The following ZNF407 variants were observed in gnomAD, a reference collection of about 807,000 sequenced individuals.
ZNF407 encodes the protein zinc finger protein 407.
Under a neutral mutation model 131.2 loss-of-function variants are expected in ZNF407, and 17 were observed. The observed-to-expected ratio is 0.13, with a 90% CI of 0.09 to 0.19. The LOEUF is 0.19. ZNF407 is among the 10% of genes least tolerant of loss of function. The pLI, the probability that ZNF407 is intolerant of heterozygous loss-of-function variation, is 1.00. For synonymous variants in ZNF407, 1,156 were observed against 1,062.0 expected (o/e 1.09, Z -1.72); for missense variants, 2,681 against 2,830.6 (o/e 0.95, Z 1.20).
chr18:75,011,671 A>G (rs184385874), intron 8 of ZNF407, among the ~76,000 whole-genome samples: 1 of 152,252 alleles, frequency 6.6e-6, no homozygotes, highest in African/African-American at 2.4e-5. Context: ...TATTGGATTT[A>G]TTTTGGTCTC....
intron 8 of ZNF407, among the ~76,000 whole-genome samples, chr18:75,030,143 A>G (rs1385185979): frequency 2.0e-5 from 3 of 152,200 alleles, no homozygotes; most frequent in Non-Finnish European, 4.4e-5. Context: ...GTATTAAAAG[A>G]AAAAACATGA....
intron 4 of ZNF407, among the ~76,000 whole-genome samples, chr18:74,831,582 G>C (rs1028029737): frequency 6.6e-6 from 1 of 152,174 alleles, no homozygotes; most frequent in Admixed American, 6.5e-5. Flanking sequence ...TTGTTGTAGA[G>C]AGTGGTAGTC....
intron 3 of ZNF407, among the ~76,000 whole-genome samples, chr18:74,649,899 G>A (rs1208394552): frequency 6.6e-6 from 1 of 152,102 alleles, no homozygotes; most frequent in African/African-American, 2.4e-5. Flanking sequence ...GCCAAACGTG[G>A]GAACTCTAGT....
chr18:74,892,518 A>G (rs1971399382), intron 7 of ZNF407, among the ~76,000 whole-genome samples: 1 of 152,184 alleles, frequency 6.6e-6, no homozygotes. Context: ...TCAGGGTTTC[A>G]GGTTTCCCCT....
At chr18:74,875,099 T>C (rs896806823) in intron 4 of ZNF407, among the ~76,000 whole-genome samples, 2 of 152,206 alleles carry the variant, frequency 1.3e-5, no homozygotes, top group African/African-American at 4.8e-5. Context: ...TTTTAGAATA[T>C]TTGAGACTCA....
At chr18:74,669,934 C>T (rs1195971159) in intron 3 of ZNF407, among the ~76,000 whole-genome samples, 1 of 152,184 alleles carries the variant, frequency 6.6e-6, no homozygotes, top group African/African-American at 2.4e-5. Flanking sequence ...CCGTAGACTC[C>T]CTGTCCTTTT....
chr18:74,692,333 C>T (rs1213760115), intron 3 of ZNF407, among the ~76,000 whole-genome samples: 5 of 152,032 alleles, frequency 3.3e-5, no homozygotes, highest in African/African-American at 1.2e-4. Flanking sequence ...TTCATCAGTG[C>T]AGGAGCTGGT....
intron 8 of ZNF407, among the ~76,000 whole-genome samples, chr18:75,037,423 TG>T (rs1973321615): frequency 6.6e-6 from 1 of 151,742 alleles, no homozygotes; most frequent in South Asian, 2.1e-4. Flanking sequence ...GGGGGAAAGA[TG>T]AAGAAAAAAA....
At chr18:74,765,468 G>A (rs1415997402) in intron 3 of ZNF407, among the ~76,000 whole-genome samples, 1 of 152,134 alleles carries the variant, frequency 6.6e-6, no homozygotes, top group African/African-American at 2.4e-5. Context: ...TTGCTTTTAA[G>A]CAGGATCAGA....
intron 8 of ZNF407, among the ~76,000 whole-genome samples, chr18:75,001,885 C>G (rs1972849297): frequency 6.6e-6 from 1 of 152,166 alleles, no homozygotes; most frequent in African/African-American, 2.4e-5. Flanking sequence ...TTTGGGTTGT[C>G]CCACCTTGGG....
At chr18:74,706,333 ATGT>A (rs1402852692) in intron 3 of ZNF407, among the ~76,000 whole-genome samples, 4 of 152,186 alleles carry the variant, frequency 2.6e-5, no homozygotes, top group African/African-American at 7.2e-5. Flanking sequence ...TCTTTGAGAA[ATGT>A]TGTATTCATT....
intron 1 of ZNF407, among the ~76,000 whole-genome samples, chr18:74,625,881 T>G (rs1270909665): frequency 6.6e-6 from 1 of 152,222 alleles, no homozygotes; most frequent in Non-Finnish European, 1.5e-5. Context: ...AAATCATGTC[T>G]TTACAGTCTA....
intron 3 of ZNF407, among the ~76,000 whole-genome samples, chr18:74,652,767 A>C (rs1036138651): frequency 6.6e-6 from 1 of 152,012 alleles, no homozygotes; most frequent in Non-Finnish European, 1.5e-5. Flanking sequence ...AGTCAGAACC[A>C]ATGCACATAA....
At chr18:74,832,392 A>G (rs1970497650) in intron 4 of ZNF407, among the ~76,000 whole-genome samples, 1 of 152,146 alleles carries the variant, frequency 6.6e-6, no homozygotes, top group Non-Finnish European at 1.5e-5. Flanking sequence ...CCTGAGAGTA[A>G]CTAGATCAGG....
At chr18:74,664,923 C>T (rs183095261) in intron 3 of ZNF407, among the ~76,000 whole-genome samples, 2 of 152,216 alleles carry the variant, frequency 1.3e-5, no homozygotes, top group Admixed American at 1.3e-4. Context: ...GATCAGGAGA[C>T]CTCGGTTTAT....
chr18:74,680,111 G>C (rs980124739), intron 3 of ZNF407, among the ~76,000 whole-genome samples: 2 of 152,138 alleles, frequency 1.3e-5, no homozygotes, highest in Non-Finnish European at 2.9e-5. Context: ...AGAAAATCAG[G>C]CTGGGGTGGT....
chr18:74,924,841 A>G (rs912554160), intron 8 of ZNF407, among the ~76,000 whole-genome samples: 8 of 152,128 alleles, frequency 5.3e-5, no homozygotes, highest in African/African-American at 1.9e-4. Context: ...GCAGACTTAT[A>G]GTTATGCCTT....
At chr18:74,780,326 T>G (rs918602650) in intron 3 of ZNF407, among the ~76,000 whole-genome samples, 2 of 152,204 alleles carry the variant, frequency 1.3e-5, no homozygotes, top group African/African-American at 4.8e-5. Context: ...GTTGTTTTGC[T>G]TTTGGCTTTT....
intron 7 of ZNF407, among the ~76,000 whole-genome samples, chr18:74,912,071 G>GCCATGCC (rs1971680997): frequency 2.6e-5 from 4 of 152,176 alleles, no homozygotes; most frequent in South Asian, 4.1e-4. Flanking sequence ...ATCTTCCTGG[G>GCCATGCC]GAAAATGGGA....
Sources: allele counts gnomAD v4.1 joint callset (sites outside exome capture counted in the v4.1 genomes callset), GRCh38; gene constraint gnomAD v4.1.1; transcripts MANE v1.5; gene names NCBI Gene and HGNC (gene_info 2026-07-23, HGNC 2026-07-21).